Variants in IQGAP1 observed in about 807,000 individuals in gnomAD.
The protein encoded by IQGAP1 is IQ motif containing GTPase activating protein 1, also known as ras GTPase-activating-like protein IQGAP1.
In IQGAP1, 66 loss-of-function variants were observed where a neutral mutation model predicts 215.6. The observed-to-expected ratio is 0.31, with a 90% CI of 0.25 to 0.38. The LOEUF (loss-of-function observed/expected upper bound fraction) is 0.38. IQGAP1 is among the 10% of genes least tolerant of loss of function. IQGAP1 has a pLI of 1.00. For synonymous variants in IQGAP1, 772 were observed against 728.7 expected, an observed-to-expected ratio of 1.06 and a Z score of -0.96; for missense variants, 1,712 against 1,997.1, an observed-to-expected ratio of 0.86 and a Z score of 2.72.
At position 90,448,730 on chromosome 15, in the gene IQGAP1, G is replaced by T; in HGVS notation, c.1071G>T (p.Lys357Asn). ...LKQLLSDKQQ[K>N]RQSGQTDPLQ... ...AGCTCCTGAGTGATAAACAGCAGAAGAGACAGGTAAACATAGTCTGGATTG... is the reference window on the plus strand; with the variant it reads ...AGCTCCTGAGTGATAAACAGCAGAATAGACAGGTAAACATAGTCTGGATTG... The change falls in exon 10 of 38, where the codon AAG becomes AAT. Residue 357 changes from lysine to asparagine, a missense_variant. Lys to Asn is a moderately conservative substitution (Grantham distance 94). Transcript: ENST00000268182. 1 of 1,587,104 alleles carries T rather than the reference G, an allele frequency of 6.3e-7. No individual in the cohort carries two copies. Among genetic ancestry groups the T allele is most frequent in the South Asian group, 1.2e-5 (1 of 86,762 alleles).
At chr15:90,389,269 C>T (rs1360019772) in intron 1 of IQGAP1, among the ~76,000 whole-genome samples, 1 of 151,258 alleles carries the variant, frequency 6.6e-6, no homozygotes, top group Non-Finnish European at 1.5e-5. Flanking sequence ...AGATGCTGAA[C>T]TTACTAGCCA....
At chr15:90,463,694 G>C (rs1965792551) in intron 15 of IQGAP1, among the ~76,000 whole-genome samples, 1 of 152,110 alleles carries the variant, frequency 6.6e-6, no homozygotes, top group Non-Finnish European at 1.5e-5. Flanking sequence ...CTATTTATCT[G>C]TTTACTCTTT....
intron 5 of IQGAP1, among the ~76,000 whole-genome samples, chr15:90,437,843 G>T (rs1965391382): frequency 6.6e-6 from 1 of 152,164 alleles, no homozygotes; most frequent in Non-Finnish European, 1.5e-5. Flanking sequence ...CCAGTCTGGA[G>T]AATTTTTTGA....
At chr15:90,481,000 A>G (rs903609921) in intron 26 of IQGAP1, among the ~76,000 whole-genome samples, 1 of 152,132 alleles carries the variant, frequency 6.6e-6, no homozygotes. Flanking sequence ...GCCATAACAA[A>G]TCACCTCAAA....
At chr15:90,450,805 G>GTT (rs201504643) in intron 11 of IQGAP1, among the ~76,000 whole-genome samples, 2 of 127,342 alleles carry the variant, frequency 1.6e-5, no homozygotes, top group South Asian at 4.5e-4. Context: ...TATTTGTGGG[G>GTT]TTTTTTTTTG....
chr15:90,484,885 A>G (rs1012825832), intron 30 of IQGAP1, among the ~76,000 whole-genome samples: 1 of 152,142 alleles, frequency 6.6e-6, no homozygotes, highest in African/African-American at 2.4e-5. Context: ...TCAGAATCCT[A>G]TGGGCTGATA....
chr15:90,430,909 TA>T (rs1381639175), intron 4 of IQGAP1, among the ~76,000 whole-genome samples: 1 of 148,602 alleles, frequency 6.7e-6, no homozygotes, highest in Non-Finnish European at 1.5e-5. Context: ...TGTATACAAA[TA>T]TGTATATTAT....
rs1965826804 is a variant in IQGAP1 at position 90,466,096 on chromosome 15, G to A, written c.1867+5G>A. The A allele has an allele frequency of 6.2e-7, 1 of 1,613,024 alleles. No homozygotes were observed. The highest frequency in any genetic ancestry group is 8.5e-7 in the Non-Finnish European group (1 of 1,178,990). On this transcript the variant is annotated splice_donor_5th_base_variant and intron_variant, in intron 16 of 37. Coordinates refer to ENST00000268182, the MANE Select transcript of IQGAP1 (RefSeq NM_003870.4). ...ACACCCAAGAAGCACAGAAGTGTAT[G>A]TATCACCTGTTTTATTTCTGTTTTG... is the stretch of plus-strand genomic sequence containing the variant.
rs781691860 is a variant in IQGAP1, at chr15:90,429,591, G to T, written c.315G>T (p.Ala105=). Residue 105 remains alanine, a splice_region_variant and synonymous_variant, in exon 4 of 38, where the codon GCG becomes GCT. Transcript: ENST00000268182. ...IYDREQTRYK[A]TGLHFRHTDN... is the part of the protein sequence containing the mutation. ...CTAATTTTCTTTTTTTTTTCTAGGCGACTGGCCTCCACTTTAGACACACTG... is the reference window on the plus strand; with the variant it reads ...CTAATTTTCTTTTTTTTTTCTAGGCTACTGGCCTCCACTTTAGACACACTG... The T allele has an allele frequency of 6.3e-7, 1 of 1,581,056 alleles. No individual in the cohort carries two copies. Among genetic ancestry groups the T allele is most frequent in the South Asian group, 1.2e-5 (1 of 84,654 alleles).
intron 14 of IQGAP1, among the ~76,000 whole-genome samples, chr15:90,455,536 G>A (rs997311557): frequency 2.0e-5 from 3 of 152,166 alleles, no homozygotes; most frequent in Non-Finnish European, 4.4e-5. Flanking sequence ...TTATTATACA[G>A]CAGAGTCCTT....
In IQGAP1 at chr15:90,477,050, C is replaced by T. The variant is rs752626564; in HGVS notation, c.2941-17C>T. ...TTATATTACCTACAAATGACTTATC[C>T]CTTGGTTTTATTTCAGACCAATCCC... On this transcript the variant is annotated splice_polypyrimidine_tract_variant and intron_variant, in intron 24 of 37. Coordinates refer to ENST00000268182, the MANE Select transcript of IQGAP1 (RefSeq NM_003870.4). 2 of 1,611,772 alleles carry T rather than the reference C, an allele frequency of 1.2e-6. No homozygotes were observed. The highest frequency in any genetic ancestry group is 2.2e-5 in the East Asian group (1 of 44,836).
chr15:90,483,369 T>A lies in IQGAP1; in HGVS notation c.3564T>A (p.Gly1188=). Residue 1188 remains glycine (G), a synonymous_variant, in exon 29 of 38, where the codon GGT becomes GGA. Transcript: ENST00000268182. ...AGEDELLKII[G]NLLYYRYMNP... Reference sequence around the variant, plus strand: ...TGTTTCGTCTGTTCCAGATTATTGGTAACTTGCTTTATTATCGATACATGA... The same window carrying A: ...TGTTTCGTCTGTTCCAGATTATTGGAAACTTGCTTTATTATCGATACATGA... 1 of 1,612,282 alleles carries A rather than the reference T, an allele frequency of 6.2e-7. No homozygotes were observed. The highest frequency in any genetic ancestry group is 8.5e-7 in the Non-Finnish European group (1 of 1,178,352).
At chr15:90,441,785 A>G in intron 8 of IQGAP1, 101 bp downstream of exon 8, 1 of 808,730 alleles carries the variant, frequency 1.2e-6, no homozygotes. Flanking sequence ...CAGTTTACAT[A>G]CAACAAAATT....
At chr15:90,464,030 C>A (rs1283498598) in intron 15 of IQGAP1, among the ~76,000 whole-genome samples, 2 of 152,216 alleles carry the variant, frequency 1.3e-5, no homozygotes, top group Non-Finnish European at 2.9e-5. Flanking sequence ...AAAGCTCAGA[C>A]CCTGCCTCAT....
chr15:90,412,920 C>T (rs1017983900), intron 2 of IQGAP1, among the ~76,000 whole-genome samples: 3 of 152,172 alleles, frequency 2.0e-5, no homozygotes, highest in Admixed American at 6.5e-5. Context: ...TGGGAAACCA[C>T]TGAAGTCATG....
intron 2 of IQGAP1, among the ~76,000 whole-genome samples, chr15:90,392,516 A>AAC (rs1567110837): frequency 6.6e-6 from 1 of 152,144 alleles, no homozygotes; most frequent in Non-Finnish European, 1.5e-5. Context: ...GAAGAGCTTC[A>AAC]ACACACCTTC....
intron 15 of IQGAP1, among the ~76,000 whole-genome samples, chr15:90,462,077 A>C (rs1179699634): frequency 6.6e-6 from 1 of 151,888 alleles, no homozygotes. Context: ...CTGAGGCAGG[A>C]GAATGGCATG....
At chr15:90,497,624 G>A (rs1966289768) in intron 37 of IQGAP1, among the ~76,000 whole-genome samples, 1 of 152,190 alleles carries the variant, frequency 6.6e-6, no homozygotes, top group Non-Finnish European at 1.5e-5. Flanking sequence ...ACAAAATGCA[G>A]AAGTACACAT....
intron 3 of IQGAP1, among the ~76,000 whole-genome samples, chr15:90,427,269 TGAG>T (rs1965236854): frequency 6.6e-6 from 1 of 152,058 alleles, no homozygotes; most frequent in African/African-American, 2.4e-5. Flanking sequence ...TTTTAAGCAC[TGAG>T]ATTTGTTGGC....
Sources: allele counts gnomAD v4.1 joint callset (sites outside exome capture counted in the v4.1 genomes callset), GRCh38; gene constraint gnomAD v4.1.1; transcripts MANE v1.5; gene names NCBI Gene and HGNC (gene_info 2026-07-23, HGNC 2026-07-21).